Variants in PTPRT observed in about 807,000 individuals in gnomAD.
PTPRT encodes protein tyrosine phosphatase receptor type T.
PTPRT carries 56 observed loss-of-function variants against 176.8 expected under a neutral mutation model. The ratio of observed to expected loss-of-function variants is 0.32; its 90% CI spans 0.26 to 0.40. The LOEUF (loss-of-function observed/expected upper bound fraction) is 0.40, where lower values mean the gene tolerates loss of function less well. Among genes scored for constraint, PTPRT ranks in the 10% least tolerant of loss-of-function variants. The pLI is 1.00. For synonymous variants in PTPRT, 783 were observed against 739.0 expected (o/e 1.06, Z -0.96); for missense variants, 1,540 against 1,908.2 (o/e 0.81, Z 3.60).
At chr20:43,016,039 C>G (rs1985352622) in intron 1 of PTPRT, among the ~76,000 whole-genome samples, 1 of 152,118 alleles carries the variant, frequency 6.6e-6, no homozygotes, top group Non-Finnish European at 1.5e-5. Context: ...AGACCATCCC[C>G]AAGCTGAAAG....
At chr20:42,499,122 T>C (rs938125963) in intron 7 of PTPRT, among the ~76,000 whole-genome samples, 2 of 152,080 alleles carry the variant, frequency 1.3e-5, no homozygotes, top group Admixed American at 1.3e-4. Flanking sequence ...ACATTTGAAC[T>C]CACAGCAATA....
rs1355770200 is a variant in PTPRT, at chr20:42,611,155, T to C, written c.1153+66711A>G. Among the ~76,000 whole-genome samples, 4 of 152,230 alleles carry C rather than the reference T, an allele frequency of 2.6e-5. No individual in the cohort carries two copies. In the East Asian group the frequency reaches 7.7e-4, roughly 29 times the overall value. The stretch of plus-strand genomic sequence containing the variant: ...ATTCATGTACAAGGTTTCCTGTGGA[T>C]GTATGTCTTCATTTATCTTGGATAT... On this transcript the variant is annotated intron_variant, in intron 7 of 30. Coordinates refer to ENST00000373187, the MANE Select transcript of PTPRT (RefSeq NM_007050.6).
chr20:42,186,562 G>A (rs73118438), intron 16 of PTPRT, among the ~76,000 whole-genome samples: 24,152 of 151,946 alleles, frequency 0.16, 2,407 homozygotes, highest in Non-Finnish European at 0.21. Flanking sequence ...GAAGTGAGAT[G>A]AGAGAGCCTG....
At chr20:42,168,647 T>C (rs978399691) in intron 16 of PTPRT, among the ~76,000 whole-genome samples, 3 of 152,226 alleles carry the variant, frequency 2.0e-5, no homozygotes, top group African/African-American at 7.2e-5. Context: ...CCTCTCTCAA[T>C]TGATTCAACA....
chr20:42,987,045 C>G (rs1170098732), intron 1 of PTPRT, among the ~76,000 whole-genome samples: 1 of 152,188 alleles, frequency 6.6e-6, no homozygotes, highest in African/African-American at 2.4e-5. Context: ...TGTAGGAAGG[C>G]ACAAGAGGCC....
intron 1 of PTPRT, among the ~76,000 whole-genome samples, chr20:43,001,733 A>T (rs944833823): frequency 1.3e-5 from 2 of 152,234 alleles, no homozygotes; most frequent in Non-Finnish European, 2.9e-5. Context: ...GGATTCAACA[A>T]GAGAAATAGT....
chr20:42,057,844 G>T, the PTPRT span, among the ~76,000 whole-genome samples: 2 of 152,096 alleles, frequency 1.3e-5, no homozygotes, highest in African/African-American at 4.8e-5. Context: ...CTCCCCCTGT[G>T]CTGGGATTAT....
chr20:42,210,733 C>T (rs1019428036), intron 15 of PTPRT, among the ~76,000 whole-genome samples: 9 of 152,032 alleles, frequency 5.9e-5, no homozygotes, highest in Non-Finnish European at 1.0e-4. Flanking sequence ...AGGTAATTTA[C>T]AGATTCAATG....
At chr20:42,193,235 A>G (rs961890113) in intron 16 of PTPRT, among the ~76,000 whole-genome samples, 1 of 152,256 alleles carries the variant, frequency 6.6e-6, no homozygotes, top group African/African-American at 2.4e-5. Context: ...TGAGAGAATG[A>G]CTAAGACTCC....
At chr20:42,735,688 G>A (rs1600678314) in intron 6 of PTPRT, among the ~76,000 whole-genome samples, 2 of 152,022 alleles carry the variant, frequency 1.3e-5, no homozygotes, top group South Asian at 2.1e-4. Flanking sequence ...CCCAAGAATC[G>A]CAAGGAAGGC....
At position 42,638,413 on chromosome 20, in the gene PTPRT, G is replaced by A. The variant is rs1434522556; in HGVS notation, c.1153+39453C>T. Reference sequence around the variant, plus strand: ...GTGCTTTTGAAGATACTCACCCTTCGCTCCTGCTCTACATGTATTATGGGG... The same window carrying A: ...GTGCTTTTGAAGATACTCACCCTTCACTCCTGCTCTACATGTATTATGGGG... On this transcript the variant is annotated intron_variant, in intron 7 of 30. Transcript: ENST00000373187. Among the ~76,000 whole-genome samples, 5 of 152,140 alleles carry A rather than the reference G, an allele frequency of 3.3e-5. No homozygotes were observed. The South Asian group carries it at 1.0e-3, about 32-fold the overall frequency.
At chr20:42,784,102 G>A (rs551015762) in intron 3 of PTPRT, among the ~76,000 whole-genome samples, 7 of 152,308 alleles carry the variant, frequency 4.6e-5, no homozygotes, top group African/African-American at 1.4e-4. Flanking sequence ...TTGAAGAGAT[G>A]AGGCTTGCAT....
intron 1 of PTPRT, among the ~76,000 whole-genome samples, chr20:42,994,193 A>C (rs1213845279): frequency 2.0e-5 from 3 of 152,158 alleles, no homozygotes; most frequent in Non-Finnish European, 4.4e-5. Flanking sequence ...AGTTCTATCG[A>C]GACCATGTGA....
intron 6 of PTPRT, among the ~76,000 whole-genome samples, chr20:42,716,667 G>A (rs1360706057): frequency 6.6e-6 from 1 of 152,010 alleles, no homozygotes; most frequent in Non-Finnish European, 1.5e-5. Context: ...TGTCAGATGA[G>A]TACATTGCAA....
At chr20:42,883,266 A>C (rs2145858274) in intron 2 of PTPRT, among the ~76,000 whole-genome samples, 1 of 152,304 alleles carries the variant, frequency 6.6e-6, no homozygotes, top group Middle Eastern at 3.4e-3. Flanking sequence ...TTTTCCACTT[A>C]CCCAGGAAAC....
intron 16 of PTPRT, among the ~76,000 whole-genome samples, chr20:42,197,944 C>T (rs1054433147): frequency 6.6e-6 from 1 of 152,190 alleles, no homozygotes; most frequent in African/African-American, 2.4e-5. Context: ...TGTCCAAGTG[C>T]TGTATTCTAA....
At chr20:43,037,933 C>T (rs1277535134) in intron 1 of PTPRT, among the ~76,000 whole-genome samples, 2 of 152,194 alleles carry the variant, frequency 1.3e-5, no homozygotes, top group South Asian at 2.1e-4. Context: ...CCTGAGAACA[C>T]TTCTGAATCA....
intron 5 of PTPRT, among the ~76,000 whole-genome samples, chr20:42,771,218 C>G (rs1170133224): frequency 6.6e-6 from 1 of 152,180 alleles, no homozygotes; most frequent in Admixed American, 6.5e-5. Flanking sequence ...CAGCGACTGA[C>G]CACACCACCC....
chr20:42,728,172 C>T (rs2146255203), intron 6 of PTPRT, among the ~76,000 whole-genome samples: 1 of 152,320 alleles, frequency 6.6e-6, no homozygotes, highest in Non-Finnish European at 1.5e-5. Context: ...TTCTGTGCCA[C>T]ACAACTGTCA....
Sources: allele counts gnomAD v4.1 joint callset (sites outside exome capture counted in the v4.1 genomes callset), GRCh38; gene constraint gnomAD v4.1.1; transcripts MANE v1.5; gene names NCBI Gene and HGNC (gene_info 2026-07-23, HGNC 2026-07-21).